The following BAHCC1 variants were observed in gnomAD, a reference collection of about 807,000 sequenced individuals.
The protein encoded by BAHCC1 is BAH and coiled-coil domain-containing protein 1.
BAHCC1 carries 43 observed loss-of-function variants against 88.2 expected under a neutral mutation model. That is an observed-to-expected ratio of 0.49 (90% confidence interval 0.38 to 0.63). The LOEUF is 0.63. Ranked by LOEUF, BAHCC1 falls within the 20% of genes least tolerant of loss-of-function variation. BAHCC1 has a pLI of 0.00. For synonymous variants in BAHCC1, 1,510 were observed against 745.5 expected (o/e 2.03, Z -16.71); for missense variants, 3,023 against 1,654.8 (o/e 1.83, Z -14.34).
At position 81,430,028 on chromosome 17, in the gene BAHCC1, AC is replaced by A. The variant is rs2064242559; in HGVS notation, c.358+3052del. Among the ~76,000 whole-genome samples, 4 of 151,920 alleles carry A rather than the reference AC, an allele frequency of 2.6e-5. No homozygotes were observed. In the South Asian group the frequency reaches 8.3e-4, roughly 32 times the overall value. ...TTCAGCTCCTCCCGGCCCGCAGCTT[AC>A]CCGAGGCTCGCGCTCCCACCAGCGG... On this transcript the variant is annotated intron_variant, in intron 3 of 27. Coordinates refer to ENST00000675386, the MANE Select transcript of BAHCC1 (RefSeq NM_001377448.1).
rs782554196 is a variant in BAHCC1, at chr17:81,458,485, G to A, written c.5343+19G>A. 2.9e-6 allele frequency: 2 copies of A among 687,246 alleles called. No homozygotes were observed. Among genetic ancestry groups the A allele is most frequent in the Admixed American group, 2.0e-5 (1 of 50,142 alleles). 42.6% of individuals were successfully genotyped at this position (687,246 alleles called of 1,614,324 possible). A position where few individuals can be genotyped will look rare whatever the true frequency, so the allele number is the denominator to read the frequency against. Reference sequence around the variant, plus strand: ...GCTGCGGGTGAGGCTGGGCTCTGGGGTGCTGGGCGGAGAGGGTGGGTGCCT... The same window carrying A: ...GCTGCGGGTGAGGCTGGGCTCTGGGATGCTGGGCGGAGAGGGTGGGTGCCT... On this transcript the variant is annotated intron_variant, in intron 18 of 27. Transcript: ENST00000675386.
rs782441656 is a variant in BAHCC1, at chr17:81,445,067, C to A, written c.2724C>A (p.Gly908=). 3.9e-6 allele frequency: 3 copies of A among 767,956 alleles called. No individual in the cohort carries two copies. The highest frequency in any genetic ancestry group is 7.3e-6 in the Non-Finnish European group (3 of 413,752). 47.6% of individuals were successfully genotyped at this position (767,956 alleles called of 1,614,324 possible). A position where few individuals can be genotyped will look rare whatever the true frequency, so the allele number is the denominator to read the frequency against. ...SLWPPMYGGR[G]PASHMQHPGQ... ...GGCCCCCCATGTACGGGGGCCGGGG[C>A]CCCGCCTCTCACATGCAGCACCCGG... The change falls in exon 9 of 28, where the codon GGC becomes GGA. Residue 908 remains glycine, a synonymous_variant. Transcript: ENST00000675386.
At chr17:81,433,072 G>T (rs570988666) in intron 3 of BAHCC1, among the ~76,000 whole-genome samples, 4 of 151,008 alleles carry the variant, frequency 2.6e-5, no homozygotes, top group Admixed American at 2.6e-4. Context: ...GAGCTGGCCC[G>T]GCCCGCCCCT....
rs782178793 is a variant in BAHCC1 at position 81,445,396 on chromosome 17, CAGG to C, written c.2881_2883del (p.Glu961del). On this transcript the variant is annotated inframe_deletion, in exon 10 of 28. Transcript: ENST00000675386. ...GCACCTGGATCTGGAGGAGCCCGCC[CAGG>C]AGAAGGCCCCAAAGTCCACCCACAA... The C allele has an allele frequency of 3.9e-6, 3 of 777,166 alleles. No individual in the cohort carries two copies. Among genetic ancestry groups the C allele is most frequent in the Non-Finnish European group, 7.2e-6 (3 of 417,220 alleles). The allele number at this position is 777,166 out of a possible 1,614,324, so 48.1% of individuals were successfully genotyped here.
intron 3 of BAHCC1, among the ~76,000 whole-genome samples, chr17:81,427,602 G>A (rs1459603008): frequency 1.3e-5 from 2 of 152,138 alleles, no homozygotes; most frequent in Admixed American, 6.5e-5. Flanking sequence ...CTGGATCCCC[G>A]TGCTTGCTCA....
At chr17:81,453,621 C>T (rs1348543119) in intron 14 of BAHCC1, among the ~76,000 whole-genome samples, 1 of 152,070 alleles carries the variant, frequency 6.6e-6, no homozygotes, top group Admixed American at 6.5e-5. Context: ...CTGCCCTGCC[C>T]AGGTGTCTCC....
intron 2 of BAHCC1, among the ~76,000 whole-genome samples, chr17:81,420,139 G>C (rs1167223423): frequency 6.6e-6 from 1 of 152,162 alleles, no homozygotes; most frequent in Non-Finnish European, 1.5e-5. Flanking sequence ...GGGGAGTCCT[G>C]GGCTCCAGGG....
At chr17:81,417,562 C>CCCT (rs2064050477) in intron 2 of BAHCC1, among the ~76,000 whole-genome samples, 2 of 144,722 alleles carry the variant, frequency 1.4e-5, no homozygotes, top group Admixed American at 6.8e-5. Context: ...GCCACCCCCC[C>CCCT]CCCGCCCTAG....
intron 2 of BAHCC1, chr17:81,407,459 AG>A (rs1260713464): frequency 2.0e-6 from 1 of 512,136 alleles, no homozygotes; most frequent in African/African-American, 1.9e-5. Context: ...TTCTGCAACC[AG>A]GGGCGCCTCC....
At chr17:81,463,242 G>A (rs1436783626) in intron 27 of BAHCC1, among the ~76,000 whole-genome samples, 2 of 152,146 alleles carry the variant, frequency 1.3e-5, no homozygotes, top group African/African-American at 2.4e-5. Context: ...GATGTGTGGC[G>A]GCCCCCACCC....
In BAHCC1 at chr17:81,456,294, CAGG is replaced by C. The variant is rs1235257986; in HGVS notation, c.4570_4572del (p.Glu1524del). 8.4e-6 allele frequency: 6 copies of C among 712,994 alleles called. No homozygotes were observed. Among genetic ancestry groups the C allele is most frequent in the African/African-American group, 3.5e-5 (2 of 56,900 alleles). 44.2% of individuals were successfully genotyped at this position (712,994 alleles called of 1,614,324 possible). A position where few individuals can be genotyped will look rare whatever the true frequency, so the allele number is the denominator to read the frequency against. On this transcript the variant is annotated splice_acceptor_variant and coding_sequence_variant, in exon 16 of 28. Coordinates refer to ENST00000675386, the MANE Select transcript of BAHCC1 (RefSeq NM_001377448.1). LOFTEE classifies it high-confidence loss of function. ...GAGTGCAGCTGCCCCTCCCTGTTCA[CAGG>C]AGAAGGCGCAGTGTAAGAAGAGCAG...
At chr17:81,440,927 C>T (rs1238626372) in intron 4 of BAHCC1, among the ~76,000 whole-genome samples, 3 of 152,216 alleles carry the variant, frequency 2.0e-5, no homozygotes, top group African/African-American at 7.2e-5. Context: ...CCTTCCTCCG[C>T]GACCCACCCG....
intron 3 of BAHCC1, among the ~76,000 whole-genome samples, chr17:81,430,081 G>T (rs1012208600): frequency 1.4e-3 from 212 of 152,298 alleles, no homozygotes; most frequent in Non-Finnish European, 2.0e-3. Flanking sequence ...TTGGGGTGGG[G>T]GCGGGAGGCG....
Position 81,434,355 on chromosome 17 carries a change from G to A in BAHCC1, c.359-4015G>A, listed in dbSNP as rs116354242. Among the ~76,000 whole-genome samples, 585 of 152,312 alleles carry A rather than the reference G, an allele frequency of 3.8e-3. 4 individuals carry two copies. The highest frequency in any genetic ancestry group is 0.013 in the African/African-American group (553 of 41,564). On this transcript the variant is annotated intron_variant, in intron 3 of 27. Coordinates refer to ENST00000675386, the MANE Select transcript of BAHCC1 (RefSeq NM_001377448.1). The surrounding 1 kb of genome is among the most constrained non-coding windows in gnomAD (Gnocchi z 4.9). ...GTGGTACTGCAGTGGGAGACAGGTC[G>A]AGGCTCAGCCGTGGGAGGCCAGCGT... is the stretch of plus-strand genomic sequence containing the variant.
Position 81,463,984 on chromosome 17 carries a change from G to C in BAHCC1, c.*167G>C. The stretch of plus-strand genomic sequence containing the variant: ...CCAGGCTTTCTTACGGTTTTCCCTG[G>C]AAAGAGCGCTCCAGGTGTCGGAATC... On this transcript the variant is annotated 3_prime_UTR_variant, in exon 28 of 28. Coordinates refer to ENST00000675386, the MANE Select transcript of BAHCC1 (RefSeq NM_001377448.1). The C allele has an allele frequency of 1.6e-6, 1 of 611,418 alleles. No homozygotes were observed. Among genetic ancestry groups the C allele is most frequent in the South Asian group, 1.9e-5 (1 of 52,214 alleles). The allele number at this position is 611,418 out of a possible 1,614,324, so 37.9% of individuals were successfully genotyped here.
chr17:81,415,262 C>T (rs1354793782), intron 2 of BAHCC1, among the ~76,000 whole-genome samples: 6 of 152,238 alleles, frequency 3.9e-5, no homozygotes, highest in South Asian at 2.1e-4. Context: ...CTCGGTGCCA[C>T]ACAGCAGGGG....
At chr17:81,420,578 C>G (rs2064104641) in intron 2 of BAHCC1, among the ~76,000 whole-genome samples, 1 of 152,254 alleles carries the variant, frequency 6.6e-6, no homozygotes, top group Non-Finnish European at 1.5e-5. Context: ...CCTGGTGTTG[C>G]TGTCTCCCGA....
intron 4 of BAHCC1, among the ~76,000 whole-genome samples, chr17:81,441,539 G>A (rs1555652510): frequency 6.6e-6 from 1 of 152,060 alleles, no homozygotes; most frequent in African/African-American, 2.4e-5. Flanking sequence ...GCGGGCTCCT[G>A]TAGTCCCAGC....
chr17:81,456,890 C>G (rs1285040104), intron 16 of BAHCC1, among the ~76,000 whole-genome samples: 1 of 152,124 alleles, frequency 6.6e-6, no homozygotes, highest in Non-Finnish European at 1.5e-5. Context: ...CTCAACGGCC[C>G]CAGCCCCTGT....
Sources: allele counts gnomAD v4.1 joint callset (sites outside exome capture counted in the v4.1 genomes callset), GRCh38; gene constraint gnomAD v4.1.1; non-coding constraint Gnocchi (gnomAD v3.1); transcripts MANE v1.5; gene names NCBI Gene and HGNC (gene_info 2026-07-23, HGNC 2026-07-21).